The following MRTFA variants were observed in gnomAD, a reference collection of about 807,000 sequenced individuals.
The protein encoded by MRTFA is myocardin related transcription factor A, also known as myocardin-related transcription factor A.
A neutral mutation model predicts 83.5 loss-of-function variants in MRTFA; 20 were observed. The observed-to-expected ratio is 0.24, with a 90% CI of 0.17 to 0.35. The LOEUF (loss-of-function observed/expected upper bound fraction) is 0.35. Ranked by LOEUF, MRTFA falls within the 10% of genes least tolerant of loss-of-function variation. The pLI, the probability that MRTFA is intolerant of heterozygous loss-of-function variation, is 1.00. For missense variants in MRTFA, 1,200 were observed against 1,224.7 expected, an observed-to-expected ratio of 0.98 and a Z score of 0.30; for synonymous variants, 659 against 541.2, an observed-to-expected ratio of 1.22 and a Z score of -3.02.
intron 3 of MRTFA, among the ~76,000 whole-genome samples, chr22:40,473,375 T>A (rs561705095): frequency 9.7e-4 from 147 of 152,238 alleles, no homozygotes; most frequent in Non-Finnish European, 1.6e-3. Context: ...CCCAGACTGG[T>A]ATCGAACTCC....
chr22:40,435,821 G>C (rs2053159182), intron 4 of MRTFA, among the ~76,000 whole-genome samples: 1 of 151,678 alleles, frequency 6.6e-6, no homozygotes, highest in South Asian at 2.1e-4. Context: ...TGAAGTCCCA[G>C]CTACAAGGGA....
At chr22:40,538,476 T>C (rs1287476304) in intron 3 of MRTFA, among the ~76,000 whole-genome samples, 1 of 150,184 alleles carries the variant, frequency 6.7e-6, no homozygotes, top group Non-Finnish European at 1.5e-5. Context: ...AGACCTTTGT[T>C]CACTTGTTTA....
chr22:40,563,836 A>G (rs748257563), intron 2 of MRTFA, among the ~76,000 whole-genome samples: 1 of 152,256 alleles, frequency 6.6e-6, no homozygotes, highest in Non-Finnish European at 1.5e-5. Flanking sequence ...AGGGCAATAC[A>G]GTTTAGCCAA....
chr22:40,550,028 A>T (rs559511491), intron 3 of MRTFA, among the ~76,000 whole-genome samples: 1 of 147,756 alleles, frequency 6.8e-6, no homozygotes, highest in East Asian at 2.0e-4. Context: ...CAGCCTGGGC[A>T]ACAGAGTGAG....
At chr22:40,625,316 A>G (rs898772430) in intron 1 of MRTFA, among the ~76,000 whole-genome samples, 2 of 147,904 alleles carry the variant, frequency 1.4e-5, no homozygotes, top group African/African-American at 4.9e-5. Context: ...ACCTGTCCCT[A>G]AAAAAAAAAT....
intron 3 of MRTFA, among the ~76,000 whole-genome samples, chr22:40,538,721 G>A (rs1024655142): frequency 6.6e-6 from 1 of 152,074 alleles, no homozygotes; most frequent in Non-Finnish European, 1.5e-5. Context: ...CTGAACCCCT[G>A]TGAAAGCTTC....
chr22:40,626,944 C>T (rs2056589729), intron 1 of MRTFA, among the ~76,000 whole-genome samples: 1 of 151,776 alleles, frequency 6.6e-6, no homozygotes, highest in African/African-American at 2.4e-5. Flanking sequence ...CACTCTAACA[C>T]CAAAATTCAA....
At chr22:40,463,992 T>C (rs1259307917) in intron 3 of MRTFA, among the ~76,000 whole-genome samples, 1 of 152,066 alleles carries the variant, frequency 6.6e-6, no homozygotes, top group East Asian at 1.9e-4. Flanking sequence ...AATAGGGATT[T>C]TTTTTAAGTT....
chr22:40,541,988 C>G (rs73169018), intron 3 of MRTFA, among the ~76,000 whole-genome samples: 3 of 151,264 alleles, frequency 2.0e-5, no homozygotes, highest in South Asian at 4.2e-4. Flanking sequence ...ATATTTTAAG[C>G]TCACTTTTTA....
At chr22:40,561,241 C>G (rs1201432281) in intron 2 of MRTFA, among the ~76,000 whole-genome samples, 1 of 149,298 alleles carries the variant, frequency 6.7e-6, no homozygotes, top group East Asian at 1.9e-4. Context: ...TGTGTAAAAT[C>G]TGGTATGAAG....
chr22:40,498,278 T>A lies in MRTFA; in HGVS notation c.242-34992A>T, dbSNP rs1452551959. On this transcript the variant is annotated intron_variant, in intron 3 of 14. Transcript: ENST00000355630. ...ATATATATATATATATATATATTTT[T>A]TTTTTTTTTTTTTTTTTTTTTTTTG... Among the ~76,000 whole-genome samples, 344 of 95,090 alleles carry A rather than the reference T, an allele frequency of 3.6e-3. 1 individual carries two copies. The highest frequency in any genetic ancestry group is 0.014 in the Middle Eastern group (3 of 214). 62.4% of individuals were successfully genotyped at this position (95,090 alleles called of 152,430 possible). A position where few individuals can be genotyped will look rare whatever the true frequency, so the allele number is the denominator to read the frequency against.
chr22:40,415,841 C>T (rs1167105542), intron 14 of MRTFA, among the ~76,000 whole-genome samples: 1 of 152,034 alleles, frequency 6.6e-6, no homozygotes, highest in Non-Finnish European at 1.5e-5. Flanking sequence ...AGGCCTCGGT[C>T]CTCAGCTCCC....
chr22:40,497,315 A>G (rs1009524429), intron 3 of MRTFA, among the ~76,000 whole-genome samples: 2 of 152,244 alleles, frequency 1.3e-5, no homozygotes, highest in African/African-American at 4.8e-5. Context: ...GGAACGCACA[A>G]AAGCAAAAGT....
Position 40,600,009 on chromosome 22 carries a change from CA to C in MRTFA, c.-83-5275del, listed in dbSNP as rs34183268. ...AAATCAATTTAGAGGTTTGACTTAT[CA>C]AAAAAAAAAAAAGCAGAGGGAAAAT... On this transcript the variant is annotated intron_variant, in intron 1 of 14. Coordinates refer to ENST00000355630, the MANE Select transcript of MRTFA (RefSeq NM_020831.6). Among the ~76,000 whole-genome samples, 339 of 121,508 alleles carry C rather than the reference CA, an allele frequency of 2.8e-3. 3 individuals are homozygous for C. The highest frequency in any genetic ancestry group is 6.0e-3 in the Admixed American group (71 of 11,790). The allele number at this position is 121,508 out of a possible 152,430, so 79.7% of individuals were successfully genotyped here.
At chr22:40,597,605 G>C (rs1402096971) in intron 1 of MRTFA, among the ~76,000 whole-genome samples, 1 of 152,210 alleles carries the variant, frequency 6.6e-6, no homozygotes, top group Non-Finnish European at 1.5e-5. Flanking sequence ...ATTTTTAGAA[G>C]CTTTCCATAT....
At chr22:40,460,081 T>C (rs2053683832) in intron 4 of MRTFA, among the ~76,000 whole-genome samples, 1 of 151,634 alleles carries the variant, frequency 6.6e-6, no homozygotes, top group Non-Finnish European at 1.5e-5. Flanking sequence ...CGCGCCACCA[T>C]GCCTGGCTAA....
chr22:40,555,884 C>G (rs1384021799), intron 2 of MRTFA, among the ~76,000 whole-genome samples: 1 of 151,960 alleles, frequency 6.6e-6, no homozygotes, highest in Admixed American at 6.6e-5. Context: ...CAAGATCCAC[C>G]CACCTCAGCC....
chr22:40,555,831 G>T (rs1283094221), intron 2 of MRTFA, among the ~76,000 whole-genome samples: 3 of 151,476 alleles, frequency 2.0e-5, no homozygotes, highest in Admixed American at 2.0e-4. Context: ...GTAGAGACGG[G>T]GTTTCACCAA....
intron 3 of MRTFA, among the ~76,000 whole-genome samples, chr22:40,538,290 AC>A (rs2055224018): frequency 2.1e-5 from 2 of 93,254 alleles, no homozygotes; most frequent in African/African-American, 8.8e-5. Context: ...GCTCTCTGAA[AC>A]ATGTGCTGTG....
Sources: gnomAD v4.1 joint callset for allele counts (sites outside exome capture counted in the v4.1 genomes callset) on GRCh38, gnomAD v4.1.1 for gene constraint, MANE v1.5 for transcripts, NCBI Gene and HGNC (gene_info 2026-07-23, HGNC 2026-07-21) for gene names.